SUN5: variants seen among roughly 807,000 people sequenced by gnomAD.
SUN5 encodes Sad1 and UNC84 domain containing 5, also known as SUN domain-containing protein 5.
Under a neutral mutation model 53.7 loss-of-function variants are expected in SUN5, and 44 were observed. The ratio of observed to expected loss-of-function variants is 0.82; its 90% confidence interval spans 0.64 to 1.05. The LOEUF (loss-of-function observed/expected upper bound fraction) is 1.05. Among genes scored for constraint, SUN5 ranks in the 50% least tolerant of loss-of-function variants. SUN5 has a pLI of 0.00. For missense variants in SUN5, 433 were observed against 483.8 expected (o/e 0.90, Z 0.98); for synonymous variants, 166 against 179.8 (o/e 0.92, Z 0.62).
rs538674224 is a variant in SUN5 at position 32,983,862 on chromosome 20, G to A, written c.1072C>T (p.Arg358Ter). 8.8e-6 allele frequency: 14 copies of A among 1,599,498 alleles called. No homozygotes were observed. Among genetic ancestry groups the A allele is most frequent in the African/African-American group, 4.0e-5 (3 of 74,722 alleles). ...GGCGGGGCCACAGAGCCATGCACTC[G>A]CACGCGGTACAGGCAAGTGAAGCCT... ...NPGFTCLYRVRVHGSVAPPRE... is the reference protein window; with the variant it reads ...NPGFTCLYRV The change falls in exon 13 of 13, where the codon CGA becomes TGA. Residue 358 changes from arginine to a stop codon, truncating the protein, a stop_gained. Transcript: ENST00000356173. LOFTEE classifies it low-confidence loss of function (END_TRUNC).
chr20:32,990,386 G>A (rs1989679793), intron 8 of SUN5, among the ~76,000 whole-genome samples: 1 of 152,146 alleles, frequency 6.6e-6, no homozygotes, highest in Non-Finnish European at 1.5e-5. Context: ...TCTTCACAGT[G>A]GTGGAAGATT....
intron 5 of SUN5, among the ~76,000 whole-genome samples, chr20:32,998,447 G>A (rs915415789): frequency 9.2e-5 from 14 of 152,234 alleles, no homozygotes; most frequent in Admixed American, 7.8e-4. Flanking sequence ...CAGCCTGGGT[G>A]ACAGAGACTC....
rs775245703 is a variant in SUN5, at chr20:32,987,624, C to G, written c.729+36G>C. 8 of 1,543,434 alleles carry G rather than the reference C, an allele frequency of 5.2e-6. 1 individual carries two copies. In the Admixed American group the frequency reaches 1.6e-4, roughly 30 times the overall value. ...TCCCCAAACCCTGCCCGGACCACTC[C>G]CCTGCCGCTGTCCCATCTCCCGCCA... is the stretch of plus-strand genomic sequence containing the variant. On this transcript the variant is annotated intron_variant, in intron 10 of 12. Coordinates refer to ENST00000356173, the MANE Select transcript of SUN5 (RefSeq NM_080675.4).
chr20:32,997,743 G>C, intron 5 of SUN5, 56 bp from the exon 6 acceptor site: 1 of 1,599,434 alleles, frequency 6.3e-7, no homozygotes. Flanking sequence ...GAAGAGCCTA[G>C]GTGCTGGAGT....
intron 10 of SUN5, 83 bp from the exon 11 acceptor site, chr20:32,985,986 C>G: frequency 6.8e-7 from 1 of 1,472,684 alleles, no homozygotes; most frequent in Non-Finnish European, 9.2e-7. Context: ...TTCCTGGGAC[C>G]TCCTGGGTGA....
chr20:32,996,110 TG>T (rs898063523), intron 7 of SUN5, among the ~76,000 whole-genome samples: 1 of 152,184 alleles, frequency 6.6e-6, no homozygotes, highest in Non-Finnish European at 1.5e-5. Context: ...AAGAGCAAGA[TG>T]GGTGTTATGC....
intron 11 of SUN5, 72 bp from the exon 12 acceptor site, chr20:32,985,257 T>G: frequency 6.5e-6 from 9 of 1,386,964 alleles, no homozygotes; most frequent in Admixed American, 1.7e-5. Context: ...CCCTCTCCAG[T>G]GGAGACTTGC....
At chr20:32,994,551 G>T (rs1600495797) in intron 8 of SUN5, among the ~76,000 whole-genome samples, 1 of 151,022 alleles carries the variant, frequency 6.6e-6, no homozygotes, top group Admixed American at 6.6e-5. Flanking sequence ...CAGAATTAAA[G>T]TCTGTGAAAA....
chr20:33,000,824 G>A (rs993007428), intron 4 of SUN5, among the ~76,000 whole-genome samples: 35 of 151,138 alleles, frequency 2.3e-4, no homozygotes, highest in African/African-American at 7.3e-4. Flanking sequence ...CAGCCCTGGC[G>A]GTAGAGTGAA....
intron 9 of SUN5, among the ~76,000 whole-genome samples, chr20:32,989,098 T>G (rs1989629877): frequency 6.6e-6 from 1 of 152,032 alleles, no homozygotes; most frequent in Non-Finnish European, 1.5e-5. Context: ...GCTAATTTTT[T>G]GTATTTTTAG....
chr20:32,984,907 T>A (rs570218004), intron 12 of SUN5, among the ~76,000 whole-genome samples, 192 bp downstream of exon 12: 1 of 152,278 alleles, frequency 6.6e-6, no homozygotes, highest in South Asian at 2.1e-4. Context: ...GGCGGTGGGA[T>A]CTCCCTGGAG....
At chr20:32,999,844 C>T in intron 5 of SUN5, 1 of 1,425,338 alleles carries the variant, frequency 7.0e-7, no homozygotes, top group East Asian at 2.5e-5. Context: ...GCGGAAGTAA[C>T]AATGTTCATA....
At position 33,003,198 on chromosome 20, in the gene SUN5, A is replaced by G. The variant is rs181072680; in HGVS notation, c.78-279T>C. Among the ~76,000 whole-genome samples the G allele has an allele frequency of 1.2e-4, 18 of 152,160 alleles. No individual in the cohort carries two copies. In the South Asian group the frequency reaches 2.5e-3, roughly 21 times the overall value. The stretch of plus-strand genomic sequence containing the variant: ...TTGTTCCTTTGTCTGCTCCTACCCA[A>G]TGTGATTTTAGGCCATTTTGATTGG... On this transcript the variant is annotated intron_variant, in intron 1 of 12. Coordinates refer to ENST00000356173, the MANE Select transcript of SUN5 (RefSeq NM_080675.4).
chr20:32,987,037 G>C (rs897328690), intron 10 of SUN5, among the ~76,000 whole-genome samples: 4 of 152,220 alleles, frequency 2.6e-5, no homozygotes, highest in African/African-American at 9.6e-5. Context: ...GTGACCTTTT[G>C]GCATCACCCA....
At position 33,004,245 on chromosome 20, in the gene SUN5, G is replaced by C; in HGVS notation, c.77+19C>G. The C allele has an allele frequency of 6.5e-7, 1 of 1,549,544 alleles. No homozygotes were observed. The highest frequency in any genetic ancestry group is 1.2e-5 in the South Asian group (1 of 82,662). On this transcript the variant is annotated intron_variant, in intron 1 of 12. Coordinates refer to ENST00000356173, the MANE Select transcript of SUN5 (RefSeq NM_080675.4). ...TAAACTGTAAAGGGCTGGGCAAAGGGAGGGGCTGCCATCCTCACCTCCGGG... is the reference window on the plus strand; with the variant it reads ...TAAACTGTAAAGGGCTGGGCAAAGGCAGGGGCTGCCATCCTCACCTCCGGG...
At chr20:32,987,832 A>G in intron 9 of SUN5, 57 bp from the exon 10 acceptor site, 3 of 1,423,064 alleles carry the variant, frequency 2.1e-6, no homozygotes, top group South Asian at 2.4e-5. Flanking sequence ...GGTGGAGGGG[A>G]CGCCACTGAT....
chr20:32,989,094 T>C (rs1989629640), intron 9 of SUN5, among the ~76,000 whole-genome samples: 1 of 151,806 alleles, frequency 6.6e-6, no homozygotes, highest in Non-Finnish European at 1.5e-5. Context: ...CTCAGCTAAT[T>C]TTTTGTATTT....
At chr20:32,989,779 G>C in intron 8 of SUN5, 81 bp from the exon 9 acceptor site, 1 of 1,087,170 alleles carries the variant, frequency 9.2e-7, no homozygotes, top group Non-Finnish European at 1.3e-6. Context: ...GAGGTAACAG[G>C]GGGCTGCAGG....
At chr20:32,997,349 C>A (rs1210780910) in intron 6 of SUN5, among the ~76,000 whole-genome samples, 1 of 152,220 alleles carries the variant, frequency 6.6e-6, no homozygotes. Flanking sequence ...GTTATCACCA[C>A]CCCACTTTAA....
Sources: gnomAD v4.1 joint callset for allele counts (sites outside exome capture counted in the v4.1 genomes callset) on GRCh38, gnomAD v4.1.1 for gene constraint, MANE v1.5 for transcripts, NCBI Gene and HGNC (gene_info 2026-07-23, HGNC 2026-07-21) for gene names.